The following LARGE1 variants were observed in gnomAD, a reference collection of about 807,000 sequenced individuals.
The protein encoded by LARGE1 is LARGE xylosyl- and glucuronyltransferase 1.
In LARGE1, 43 loss-of-function variants were observed where a neutral mutation model predicts 87.6. The observed-to-expected ratio is 0.49, with a 90% CI of 0.38 to 0.63. The LOEUF (loss-of-function observed/expected upper bound fraction) is 0.63. Among genes scored for constraint, LARGE1 ranks in the 30% least tolerant of loss-of-function variants. LARGE1 has a pLI of 0.00. For missense variants in LARGE1, 802 were observed against 1,000.2 expected (o/e 0.80, Z 2.67); for synonymous variants, 434 against 394.6 (o/e 1.10, Z -1.18).
At position 33,422,983 on chromosome 22, in the gene LARGE1, T is replaced by C. The variant is rs1279630003; in HGVS notation, c.892+9178A>G. Among the ~76,000 whole-genome samples the C allele has an allele frequency of 2.0e-5, 3 of 149,334 alleles. No individual in the cohort carries two copies. The East Asian group carries it at 5.8e-4, about 29-fold the overall frequency. On this transcript the variant is annotated intron_variant, in intron 7 of 14. Transcript: ENST00000397394. Reference sequence around the variant, plus strand: ...CAATATTTGAGCCTGGAACTAACACTACTTACGGGATATTTTTTAAAACCA... The same window carrying C: ...CAATATTTGAGCCTGGAACTAACACCACTTACGGGATATTTTTTAAAACCA...
chr22:33,197,526 C>T (rs1924143476), intron 11 of LARGE1, among the ~76,000 whole-genome samples: 1 of 151,944 alleles, frequency 6.6e-6, no homozygotes, highest in Non-Finnish European at 1.5e-5. Flanking sequence ...AAATTAATTT[C>T]ATTTATACTA....
chr22:33,525,676 T>C (rs2071855294), intron 6 of LARGE1, among the ~76,000 whole-genome samples: 1 of 152,174 alleles, frequency 6.6e-6, no homozygotes, highest in South Asian at 2.1e-4. Flanking sequence ...CCACTCATTA[T>C]TTCTGAATGA....
At chr22:33,660,646 A>G (rs2081096674) in intron 2 of LARGE1, among the ~76,000 whole-genome samples, 1 of 152,234 alleles carries the variant, frequency 6.6e-6, no homozygotes, top group South Asian at 2.1e-4. Context: ...CCTATTTCAT[A>G]CATATGCAAT....
chr22:33,498,695 G>T (rs1468431969), intron 6 of LARGE1, among the ~76,000 whole-genome samples: 1 of 152,212 alleles, frequency 6.6e-6, no homozygotes, highest in African/African-American at 2.4e-5. Flanking sequence ...AAACAGGCCA[G>T]GCGCGGGGGC....
chr22:33,268,585 G>A (rs901698199), downstream of LARGE1, among the ~76,000 whole-genome samples: 7 of 151,654 alleles, frequency 4.6e-5, no homozygotes, highest in African/African-American at 1.2e-4. Flanking sequence ...CCGCCACCAC[G>A]CCCGGCTAAT....
intron 3 of LARGE1, among the ~76,000 whole-genome samples, chr22:33,641,914 C>A (rs1172077311): frequency 6.6e-6 from 1 of 152,072 alleles, no homozygotes; most frequent in Non-Finnish European, 1.5e-5. Context: ...TATTGGTGTA[C>A]CTGAAAGTGA....
intron 2 of LARGE1, among the ~76,000 whole-genome samples, chr22:33,683,680 G>A (rs1393213279): frequency 2.0e-5 from 3 of 152,142 alleles, no homozygotes; most frequent in East Asian, 1.9e-4. Flanking sequence ...GATAGATGGA[G>A]ATAGAGGAAA....
chr22:33,485,203 G>T (rs1228725936), intron 6 of LARGE1, among the ~76,000 whole-genome samples: 1 of 143,474 alleles, frequency 7.0e-6, no homozygotes, highest in Admixed American at 7.1e-5. Context: ...ATGAGCCACC[G>T]CGTCCGGTCT....
intron 10 of LARGE1, among the ~76,000 whole-genome samples, chr22:33,323,815 T>A (rs968743968): frequency 6.6e-6 from 1 of 152,224 alleles, no homozygotes; most frequent in Non-Finnish European, 1.5e-5. Flanking sequence ...TGTAAAGTGC[T>A]ACCCAAACCT....
chr22:33,478,579 GT>G (rs1477277030), intron 6 of LARGE1, among the ~76,000 whole-genome samples: 2 of 152,222 alleles, frequency 1.3e-5, no homozygotes, highest in Non-Finnish European at 2.9e-5. Context: ...TGGGAACTCA[GT>G]TTTGCCTTTT....
At chr22:33,265,667 A>G (rs1261803401) in intron 11 of LARGE1, among the ~76,000 whole-genome samples, 2 of 152,158 alleles carry the variant, frequency 1.3e-5, no homozygotes, top group Non-Finnish European at 2.9e-5. Context: ...TCATTTTTGA[A>G]TAATTATCAG....
intron 11 of LARGE1, among the ~76,000 whole-genome samples, chr22:33,186,304 A>G (rs902596642): frequency 2.0e-5 from 3 of 152,206 alleles, no homozygotes; most frequent in Non-Finnish European, 4.4e-5. Context: ...GTGATACGTA[A>G]AAAAGGTGAT....
chr22:33,127,845 T>C, the LARGE1 span, among the ~76,000 whole-genome samples: 1 of 152,008 alleles, frequency 6.6e-6, no homozygotes, highest in Non-Finnish European at 1.5e-5. Flanking sequence ...AGTCATAGAG[T>C]GAGATATTGG....
intron 6 of LARGE1, among the ~76,000 whole-genome samples, chr22:33,523,947 A>G (rs1314570330): frequency 2.0e-5 from 3 of 152,118 alleles, no homozygotes; most frequent in Admixed American, 1.3e-4. Flanking sequence ...GGCAATCAAA[A>G]CAGAGAACTG....
chr22:33,381,306 A>G (rs2065147633), intron 9 of LARGE1, among the ~76,000 whole-genome samples: 1 of 152,208 alleles, frequency 6.6e-6, no homozygotes, highest in Admixed American at 6.5e-5. Context: ...ATAGCAGTAG[A>G]TGACTAATAT....
chr22:33,251,420 G>GT (rs544100814), intron 11 of LARGE1, among the ~76,000 whole-genome samples: 20 of 150,964 alleles, frequency 1.3e-4, no homozygotes, highest in South Asian at 4.2e-4. Flanking sequence ...TTTCTGCTCT[G>GT]TTTTTTTTTC....
At chr22:33,136,205 T>C in the LARGE1 span, among the ~76,000 whole-genome samples, 1 of 152,194 alleles carries the variant, frequency 6.6e-6, no homozygotes, top group Non-Finnish European at 1.5e-5. Flanking sequence ...TCTGTTTTCA[T>C]GCTGCTGATA....
At chr22:33,263,627 C>T (rs1241635287) in intron 11 of LARGE1, among the ~76,000 whole-genome samples, 1 of 152,256 alleles carries the variant, frequency 6.6e-6, no homozygotes, top group Admixed American at 6.5e-5. Context: ...CTGACACCTG[C>T]ATTCAGCAGC....
chr22:33,827,010 A>G (rs761518353), intron 1 of LARGE1, among the ~76,000 whole-genome samples: 1 of 152,142 alleles, frequency 6.6e-6, no homozygotes, highest in Non-Finnish European at 1.5e-5. Flanking sequence ...GATTACCCAG[A>G]AGATGCAGCC....
Sources: allele counts gnomAD v4.1 joint callset (sites outside exome capture counted in the v4.1 genomes callset), GRCh38; gene constraint gnomAD v4.1.1; transcripts MANE v1.5; gene names NCBI Gene and HGNC (gene_info 2026-07-23, HGNC 2026-07-21).